MARCO: variants seen among roughly 807,000 people sequenced by gnomAD.
The protein encoded by MARCO is macrophage receptor with collagenous structure.
In MARCO, 72 loss-of-function variants were observed where a neutral mutation model predicts 70.0. That is an observed-to-expected ratio of 1.03 (90% CI 0.85 to 1.25). The LOEUF is 1.25. Ranked by LOEUF, MARCO falls within the 50% of genes most tolerant of loss-of-function variation. The pLI is 0.00. For missense variants in MARCO, 696 were observed against 659.3 expected, an observed-to-expected ratio of 1.06 and a Z score of -0.61; for synonymous variants, 273 against 243.1, an observed-to-expected ratio of 1.12 and a Z score of -1.14.
chr2:118,979,383 G>T (rs558287522), intron 8 of MARCO, among the ~76,000 whole-genome samples: 1 of 152,188 alleles, frequency 6.6e-6, no homozygotes, highest in Admixed American at 6.5e-5. Context: ...GAGGGGAGGA[G>T]GGGCTGCAGA....
chr2:118,977,582 C>A (rs377680271), intron 7 of MARCO, 67 bp downstream of exon 7: 22 of 1,409,690 alleles, frequency 1.6e-5, no homozygotes, highest in Middle Eastern at 2.2e-4. Flanking sequence ...AGTTCCCCCC[C>A]ACCCCCCATC....
intron 8 of MARCO, among the ~76,000 whole-genome samples, chr2:118,979,242 C>T (rs149652505): frequency 1.6e-3 from 243 of 152,252 alleles, no homozygotes; most frequent in African/African-American, 5.7e-3. Context: ...AGCAGAAGAA[C>T]AAGGACCAAT....
intron 7 of MARCO, 35 bp downstream of exon 7, chr2:118,977,550 G>A (rs1239241030): frequency 3.1e-6 from 5 of 1,598,982 alleles, no homozygotes; most frequent in Non-Finnish European, 4.3e-6. Flanking sequence ...GACAAATGAT[G>A]CATAGCCTGA....
intron 7 of MARCO, 148 bp from the exon 8 acceptor site, chr2:118,977,680 C>A (rs1162353878): frequency 8.2e-6 from 6 of 732,322 alleles, no homozygotes; most frequent in Non-Finnish European, 1.3e-5. Flanking sequence ...TTCTTCAAGA[C>A]CACCCAAGAA....
intron 12 of MARCO, among the ~76,000 whole-genome samples, chr2:118,990,360 G>T (rs188353034): frequency 1.3e-5 from 2 of 152,192 alleles, no homozygotes; most frequent in Non-Finnish European, 2.9e-5. Flanking sequence ...GTCTAATCCA[G>T]GCTTTCATCC....
At chr2:118,967,655 A>G (rs1297078477) in intron 1 of MARCO, among the ~76,000 whole-genome samples, 1 of 152,012 alleles carries the variant, frequency 6.6e-6, no homozygotes, top group East Asian at 1.9e-4. Flanking sequence ...TGCCAGAGCT[A>G]CCCCTAGACC....
At chr2:118,981,139 TATTGTC>T (rs1680380099) in intron 8 of MARCO, among the ~76,000 whole-genome samples, 1 of 151,914 alleles carries the variant, frequency 6.6e-6, no homozygotes, top group Non-Finnish European at 1.5e-5. Context: ...GAGCCTTGGC[TATTGTC>T]CCTCCCAAGG....
At chr2:118,990,506 G>A in intron 12 of MARCO, 83 bp from the exon 13 acceptor site, 2 of 1,337,356 alleles carry the variant, frequency 1.5e-6, no homozygotes, top group East Asian at 4.6e-5. Flanking sequence ...TCAGACAAAA[G>A]GTAGAGGTTG....
chr2:118,973,519 T>G (rs1410878928), intron 4 of MARCO, among the ~76,000 whole-genome samples: 2 of 152,104 alleles, frequency 1.3e-5, no homozygotes, highest in Non-Finnish European at 2.9e-5. Flanking sequence ...CTCTCCAGAT[T>G]CCCCGCCCAT....
At chr2:118,974,630 CTGCAGACGCA>C in intron 6 of MARCO, 65 bp downstream of exon 6, 1 of 1,493,096 alleles carries the variant, frequency 6.7e-7, no homozygotes, top group Non-Finnish European at 9.2e-7. Flanking sequence ...CTGCTGTGGG[CTGCAGACGCA>C]GCCTCCCTCC....
intron 12 of MARCO, among the ~76,000 whole-genome samples, chr2:118,986,642 A>AG (rs1368473380): frequency 2.2e-5 from 1 of 45,890 alleles, no homozygotes; most frequent in Non-Finnish European, 3.9e-5. Flanking sequence ...AGAAAGAAAG[A>AG]AAGAAAGAAA....
intron 12 of MARCO, among the ~76,000 whole-genome samples, chr2:118,986,092 T>A (rs1157405962): frequency 6.6e-6 from 1 of 152,206 alleles, no homozygotes; most frequent in Non-Finnish European, 1.5e-5. Flanking sequence ...TTTATTAAAT[T>A]CTACTAAGTC....
At chr2:118,962,648 T>C (rs1679970729) in intron 1 of MARCO, among the ~76,000 whole-genome samples, 1 of 152,166 alleles carries the variant, frequency 6.6e-6, no homozygotes, top group Admixed American at 6.5e-5. Context: ...TTAGAAAGTG[T>C]TTCTTCCTTT....
chr2:118,942,493 T>A, intron 1 of MARCO, 96 bp downstream of exon 1: 1 of 1,014,804 alleles, frequency 9.9e-7, no homozygotes, highest in Non-Finnish European at 1.5e-6. Flanking sequence ...AGTCTAGGTT[T>A]GGCTTATTGC....
intron 3 of MARCO, among the ~76,000 whole-genome samples, chr2:118,971,175 G>T (rs578181297): frequency 6.6e-6 from 1 of 152,110 alleles, no homozygotes; most frequent in Admixed American, 6.5e-5. Flanking sequence ...AAATGTGAAG[G>T]AGCTCATTTT....
rs763269065 is a variant in MARCO at position 118,982,270 on chromosome 2, C to T, written c.1000+16C>T. The T allele has an allele frequency of 2.5e-6, 4 of 1,612,494 alleles. No homozygotes were observed. The highest frequency in any genetic ancestry group is 2.2e-5 in the East Asian group (1 of 44,820). ...GGGCGAGCAGGTGAGGTCCTGGGTC[C>T]TATGGTGGGCACAGGGAGTGATGTG... is the stretch of plus-strand genomic sequence containing the variant. On this transcript the variant is annotated intron_variant, in intron 11 of 16. Coordinates refer to ENST00000327097, the MANE Select transcript of MARCO (RefSeq NM_006770.4).
intron 12 of MARCO, among the ~76,000 whole-genome samples, chr2:118,983,685 C>T (rs1473638119): frequency 6.6e-6 from 1 of 152,040 alleles, no homozygotes; most frequent in Non-Finnish European, 1.5e-5. Flanking sequence ...CTTCTCTGGT[C>T]CCCAGTCTCA....
chr2:118,971,224 G>A (rs1301303528), intron 3 of MARCO, among the ~76,000 whole-genome samples: 1 of 152,134 alleles, frequency 6.6e-6, no homozygotes, highest in African/African-American at 2.4e-5. Flanking sequence ...AGGCTGGTTT[G>A]AAGCAACCTC....
chr2:118,994,655 A>T lies in MARCO; in HGVS notation c.*135A>T, dbSNP rs1680689476. The T allele has an allele frequency of 5.0e-6, 4 of 805,632 alleles. No homozygotes were observed. Among genetic ancestry groups the T allele is most frequent in the Non-Finnish European group, 7.5e-6 (4 of 530,204 alleles). The allele number at this position is 805,632 out of a possible 1,614,324, so 49.9% of individuals were successfully genotyped here. A position where few individuals can be genotyped will look rare whatever the true frequency, so the allele number is the denominator to read the frequency against. ...GGGGCCATTAATAAAGCTCAACATC[A>T]TTGGCTGTGGCTGAGTGTCACTGTG... On this transcript the variant is annotated 3_prime_UTR_variant, in exon 17 of 17. Coordinates refer to ENST00000327097, the MANE Select transcript of MARCO (RefSeq NM_006770.4).
Sources: gnomAD v4.1 joint callset for allele counts (sites outside exome capture counted in the v4.1 genomes callset) on GRCh38, gnomAD v4.1.1 for gene constraint, MANE v1.5 for transcripts, NCBI Gene and HGNC (gene_info 2026-07-23, HGNC 2026-07-21) for gene names.